Variants in SEMA6D observed in about 807,000 individuals in gnomAD.
SEMA6D encodes semaphorin 6D.
SEMA6D carries 35 observed loss-of-function variants against 106.6 expected under a neutral mutation model. The observed-to-expected ratio is 0.33, with a 90% confidence interval of 0.25 to 0.44. The LOEUF is 0.44. SEMA6D is among the 20% of genes least tolerant of loss of function. The pLI, the probability that SEMA6D is intolerant of heterozygous loss-of-function variation, is 1.00. For synonymous variants in SEMA6D, 499 were observed against 487.7 expected (o/e 1.02, Z -0.31); for missense variants, 1,185 against 1,345.9 (o/e 0.88, Z 1.87).
chr15:47,599,283 C>T (rs963081754), intron 3 of SEMA6D, among the ~76,000 whole-genome samples: 3 of 152,104 alleles, frequency 2.0e-5, no homozygotes, highest in South Asian at 2.1e-4. Flanking sequence ...ATCCTGGTAA[C>T]TCCCCTCACT....
chr15:47,264,468 A>G (rs1229806406), intron 1 of SEMA6D, among the ~76,000 whole-genome samples: 1 of 152,056 alleles, frequency 6.6e-6, no homozygotes. Context: ...TGCAGAAGTG[A>G]CAGAATAATT....
At chr15:47,618,692 T>C (rs2077048622) in intron 4 of SEMA6D, among the ~76,000 whole-genome samples, 1 of 152,188 alleles carries the variant, frequency 6.6e-6, no homozygotes, top group African/African-American at 2.4e-5. Context: ...AAGAGGAACA[T>C]AATGGAATAA....
At chr15:47,433,295 A>C (rs1028678786) in intron 2 of SEMA6D, among the ~76,000 whole-genome samples, 11 of 151,998 alleles carry the variant, frequency 7.2e-5, no homozygotes, top group African/African-American at 2.4e-4. Context: ...AAGGTTGTAC[A>C]TTTATTGATC....
At chr15:47,268,400 C>T (rs2034416499) in intron 1 of SEMA6D, among the ~76,000 whole-genome samples, 4 of 152,244 alleles carry the variant, frequency 2.6e-5, no homozygotes, top group Admixed American at 1.3e-4. Flanking sequence ...CCATTCTACC[C>T]TCCTTTGTGC....
intron 4 of SEMA6D, among the ~76,000 whole-genome samples, chr15:47,650,535 T>TC (rs34297123): frequency 6.6e-6 from 1 of 152,228 alleles, no homozygotes; most frequent in African/African-American, 2.4e-5. Flanking sequence ...GTTGCTGATT[T>TC]CCCTGTCAAT....
rs1301377999 is a variant in SEMA6D, at chr15:47,367,672, GCTCACA to G, written c.-238-44719_-238-44714del. 1.3e-4 allele frequency among the ~76,000 whole-genome samples: 19 copies of G among 141,422 alleles called. No homozygotes were observed. In the East Asian group the frequency reaches 2.5e-3, roughly 19 times the overall value. 92.8% of individuals were successfully genotyped at this position (141,422 alleles called of 152,430 possible). ...TTCTCCCCTTCCCCTAAACACGCAC[GCTCACA>G]CGCGCGCGCGCGCGCACACACACAC... On this transcript the variant is annotated intron_variant, in intron 1 of 19. Coordinates refer to the SEMA6D transcript ENST00000558014.
chr15:47,608,736 C>T (rs1453111915), intron 4 of SEMA6D, among the ~76,000 whole-genome samples: 1 of 152,028 alleles, frequency 6.6e-6, no homozygotes, highest in Non-Finnish European at 1.5e-5. Flanking sequence ...AATTCAATCT[C>T]CTTCTGCCCA....
chr15:47,665,946 C>CA (rs1666320222), intron 4 of SEMA6D, among the ~76,000 whole-genome samples: 1 of 152,198 alleles, frequency 6.6e-6, no homozygotes, highest in African/African-American at 2.4e-5. Context: ...ATAATACAGA[C>CA]AAGAGTATTG....
At chr15:47,663,067 C>G (rs779245710) in intron 4 of SEMA6D, among the ~76,000 whole-genome samples, 1 of 152,020 alleles carries the variant, frequency 6.6e-6, no homozygotes, top group South Asian at 2.1e-4. Context: ...GTAAAGTACT[C>G]GTAATTAAAT....
chr15:47,530,419 T>C (rs2044921244), intron 3 of SEMA6D, among the ~76,000 whole-genome samples: 1 of 152,212 alleles, frequency 6.6e-6, no homozygotes, highest in African/African-American at 2.4e-5. Flanking sequence ...AACTTCATAA[T>C]TAGACAATAG....
At chr15:47,390,450 G>A (rs138294338) in intron 1 of SEMA6D, among the ~76,000 whole-genome samples, 272 of 152,288 alleles carry the variant, frequency 1.8e-3, no homozygotes, top group African/African-American at 6.4e-3. Flanking sequence ...AAGTGGCCAA[G>A]TATATTCATT....
intron 4 of SEMA6D, among the ~76,000 whole-genome samples, chr15:47,641,616 C>G (rs1176851574): frequency 6.6e-6 from 1 of 152,168 alleles, no homozygotes; most frequent in African/African-American, 2.4e-5. Context: ...GGAAATTGCC[C>G]TGGCTTTACC....
intron 3 of SEMA6D, among the ~76,000 whole-genome samples, chr15:47,568,380 A>G (rs1283245500): frequency 6.6e-6 from 1 of 152,198 alleles, no homozygotes; most frequent in Non-Finnish European, 1.5e-5. Context: ...TAATGTGATC[A>G]AGTGATGCAG....
chr15:47,754,411 C>G (rs1042125262), intron 1 of SEMA6D, among the ~76,000 whole-genome samples: 4 of 152,106 alleles, frequency 2.6e-5, no homozygotes, highest in African/African-American at 9.7e-5. Flanking sequence ...AATATTTTTA[C>G]AGGTTGTAGA....
At chr15:47,391,460 T>C (rs571039434) in intron 1 of SEMA6D, among the ~76,000 whole-genome samples, 1 of 152,240 alleles carries the variant, frequency 6.6e-6, no homozygotes, top group Admixed American at 6.5e-5. Context: ...TGGTTCCTAT[T>C]ACTGCTTAAA....
At chr15:47,506,540 G>A (rs924163932) in intron 3 of SEMA6D, among the ~76,000 whole-genome samples, 1 of 150,792 alleles carries the variant, frequency 6.6e-6, no homozygotes, top group Non-Finnish European at 1.5e-5. Context: ...GACTCACCCA[G>A]TATATTGTTA....
At chr15:47,380,176 A>G (rs1324440072) in intron 1 of SEMA6D, among the ~76,000 whole-genome samples, 4 of 152,248 alleles carry the variant, frequency 2.6e-5, no homozygotes, top group Admixed American at 6.5e-5. Context: ...TACAAAATAT[A>G]AAGCACATAT....
chr15:47,687,517 G>T (rs2078495246), intron 4 of SEMA6D, among the ~76,000 whole-genome samples: 2 of 152,088 alleles, frequency 1.3e-5, no homozygotes, highest in Non-Finnish European at 2.9e-5. Flanking sequence ...CAAGGAGGTG[G>T]AAAACGTAGC....
At chr15:47,723,653 TTC>T (rs2079554691) in intron 1 of SEMA6D, among the ~76,000 whole-genome samples, 1 of 152,204 alleles carries the variant, frequency 6.6e-6, no homozygotes, top group African/African-American at 2.4e-5. Flanking sequence ...TGTTGAGAAA[TTC>T]TCTCTCATGC....
Sources: allele counts gnomAD v4.1 joint callset (sites outside exome capture counted in the v4.1 genomes callset), GRCh38; gene constraint gnomAD v4.1.1; transcripts MANE v1.5; gene names NCBI Gene and HGNC (gene_info 2026-07-23, HGNC 2026-07-21).